SLC11A2: variants seen among roughly 807,000 people sequenced by gnomAD.
SLC11A2 encodes the protein natural resistance-associated macrophage protein 2.
A neutral mutation model predicts 68.0 loss-of-function variants in SLC11A2; 38 were observed. The ratio of observed to expected loss-of-function variants is 0.56; its 90% CI spans 0.43 to 0.73. SLC11A2 has a LOEUF of 0.73. Among genes scored for constraint, SLC11A2 ranks in the 30% least tolerant of loss-of-function variants. The pLI is 0.00. For missense variants in SLC11A2, 517 were observed against 690.5 expected, an observed-to-expected ratio of 0.75 and a Z score of 2.82; for synonymous variants, 242 against 250.6, an observed-to-expected ratio of 0.97 and a Z score of 0.32.
the SLC11A2 span, among the ~76,000 whole-genome samples, chr12:50,960,629 T>C: frequency 6.6e-6 from 1 of 152,274 alleles, no homozygotes; most frequent in Non-Finnish European, 1.5e-5. Flanking sequence ...TAGACATTCT[T>C]TCATTTAACT....
chr12:50,996,689 C>A (rs1941733058), intron 9 of SLC11A2, 128 bp downstream of exon 9: 1 of 911,024 alleles, frequency 1.1e-6, no homozygotes, highest in Admixed American at 1.9e-5. Flanking sequence ...TTATAAATGT[C>A]CAGGCTTGGA....
chr12:51,005,003 G>T, intron 4 of SLC11A2, 96 bp from the exon 5 acceptor site: 1 of 1,423,476 alleles, frequency 7.0e-7, no homozygotes, highest in Non-Finnish European at 9.7e-7. Context: ...GGTAAATACT[G>T]CATTCAGAAA....
chr12:50,975,264 A>G (rs984352010), downstream of SLC11A2, among the ~76,000 whole-genome samples: 215 of 152,314 alleles, frequency 1.4e-3, 1 homozygote, highest in Non-Finnish European at 1.1e-3. Flanking sequence ...AGCAAATGTA[A>G]AAGAACAGAA....
intron 5 of SLC11A2, among the ~76,000 whole-genome samples, chr12:51,001,095 G>A (rs1942174965): frequency 6.6e-6 from 1 of 151,524 alleles, no homozygotes; most frequent in African/African-American, 2.4e-5. Flanking sequence ...AACCCGGGAG[G>A]CGAAGGTTGC....
At chr12:51,008,281 GAGAT>G (rs1433848222) in intron 3 of SLC11A2, 191 bp downstream of exon 3, 12 of 531,246 alleles carry the variant, frequency 2.3e-5, no homozygotes, top group Non-Finnish European at 3.4e-5. Flanking sequence ...CAGACAGACA[GAGAT>G]AGATAGATAT....
rs2136160715 is a variant in SLC11A2, at chr12:50,987,701, T to C, written c.*624A>G. The stretch of plus-strand genomic sequence containing the variant: ...TGCTGGTTTTGTTAGTTGTCAGTTT[T>C]TCCCCTTCTTTGTTTTCTCACCCCT... On this transcript the variant is annotated 3_prime_UTR_variant, in exon 16 of 16. Transcript: ENST00000262052. 1 of 1,287,192 alleles carries C rather than the reference T, an allele frequency of 7.8e-7. No individual in the cohort carries two copies. Among genetic ancestry groups the C allele is most frequent in the Non-Finnish European group, 1.0e-6 (1 of 988,668 alleles). The allele number at this position is 1,287,192 out of a possible 1,614,324, so 79.7% of individuals were successfully genotyped here.
chr12:50,961,048 C>T, the SLC11A2 span: 1 of 1,613,548 alleles, frequency 6.2e-7, no homozygotes, highest in Admixed American at 1.7e-5. Flanking sequence ...GTCAATTCAT[C>T]TTATTCACAT....
intron 15 of SLC11A2, among the ~76,000 whole-genome samples, chr12:50,989,747 A>C (rs1209236571): frequency 6.6e-6 from 1 of 152,232 alleles, no homozygotes; most frequent in Non-Finnish European, 1.5e-5. Context: ...GATCTAGGAA[A>C]TAATTTTTCA....
At chr12:51,004,294 G>C (rs1465387327) in intron 5 of SLC11A2, among the ~76,000 whole-genome samples, 1 of 152,186 alleles carries the variant, frequency 6.6e-6, no homozygotes, top group Non-Finnish European at 1.5e-5. Flanking sequence ...GCAGAGGACA[G>C]TGTAGCCCCC....
intron 11 of SLC11A2, 41 bp from the exon 12 acceptor site, chr12:50,992,970 T>TCTGCTCAGACAATATCCA: frequency 6.2e-7 from 1 of 1,612,902 alleles, no homozygotes; most frequent in Non-Finnish European, 8.5e-7. Flanking sequence ...GTGGCAATAA[T>TCTGCTCAGACAATATCCA]CTGCTCAGAC....
At chr12:51,020,851 C>T (rs1276363570) in intron 1 of SLC11A2, among the ~76,000 whole-genome samples, 1 of 152,198 alleles carries the variant, frequency 6.6e-6, no homozygotes, top group Admixed American at 6.6e-5. Context: ...CACCTGTAAT[C>T]CCAGCACTTT....
the SLC11A2 span, chr12:50,954,143 C>T: frequency 3.7e-6 from 4 of 1,084,898 alleles, no homozygotes; most frequent in East Asian, 2.4e-5. Context: ...CACAATGATG[C>T]CTTACCCAGT....
chr12:50,998,515 A>G (rs1170079101), intron 8 of SLC11A2, among the ~76,000 whole-genome samples: 1 of 152,122 alleles, frequency 6.6e-6, no homozygotes, highest in African/African-American at 2.4e-5. Flanking sequence ...CTCATCCTTA[A>G]ACACTCTCAT....
chr12:50,964,610 T>C, the SLC11A2 span, among the ~76,000 whole-genome samples: 1 of 152,344 alleles, frequency 6.6e-6, no homozygotes, highest in East Asian at 1.9e-4. Flanking sequence ...AGCCCTGATA[T>C]TAGGCAGTGA....
the SLC11A2 span, chr12:50,960,918 G>T: frequency 7.0e-7 from 1 of 1,425,204 alleles, no homozygotes; most frequent in African/African-American, 1.4e-5. Context: ...GGTCTCACAC[G>T]ATGCTCCTGC....
At chr12:51,013,736 C>T (rs1473692830) in intron 1 of SLC11A2, among the ~76,000 whole-genome samples, 1 of 151,690 alleles carries the variant, frequency 6.6e-6, no homozygotes, top group East Asian at 1.9e-4. Context: ...GAGGCCTTGT[C>T]TAAAAAAGAA....
the SLC11A2 span, among the ~76,000 whole-genome samples, chr12:50,958,431 G>A: frequency 7.9e-5 from 12 of 151,144 alleles, no homozygotes; most frequent in South Asian, 2.3e-3. Flanking sequence ...ACAGGCACCC[G>A]CCACCACACC....
the SLC11A2 span, chr12:50,953,944 A>G: frequency 4.9e-5 from 52 of 1,063,370 alleles, no homozygotes; most frequent in Non-Finnish European, 7.2e-5. Context: ...AAAACAAATT[A>G]TTTTTAATGA....
At chr12:51,018,063 C>T (rs1012875944) in intron 1 of SLC11A2, among the ~76,000 whole-genome samples, 2 of 152,184 alleles carry the variant, frequency 1.3e-5, no homozygotes, top group Non-Finnish European at 2.9e-5. Context: ...TTTATAAGAA[C>T]TCTGGAAGAA....
Sources: allele counts gnomAD v4.1 joint callset (sites outside exome capture counted in the v4.1 genomes callset), GRCh38; gene constraint gnomAD v4.1.1; transcripts MANE v1.5; gene names NCBI Gene and HGNC (gene_info 2026-07-23, HGNC 2026-07-21).